XRN2: variants seen among roughly 807,000 people sequenced by gnomAD.
XRN2 encodes DHM1-like protein.
A neutral mutation model predicts 138.5 loss-of-function variants in XRN2; 44 were observed. The observed-to-expected ratio is 0.32, with a 90% confidence interval of 0.25 to 0.41. XRN2 has a LOEUF of 0.41. Among genes scored for constraint, XRN2 ranks in the 10% least tolerant of loss-of-function variants. The probability of loss-of-function intolerance (pLI) is 1.00; values close to 1 mark genes in which losing one functional copy is unlikely to be tolerated. For synonymous variants in XRN2, 354 were observed against 369.4 expected (o/e 0.96, Z 0.48); for missense variants, 937 against 1,169.3 (o/e 0.80, Z 2.90).
chr20:21,353,223 G>GATGGATATAT, intron 20 of XRN2, among the ~76,000 whole-genome samples: 1 of 113,848 alleles, frequency 8.8e-6, no homozygotes, highest in African/African-American at 3.6e-5. Context: ...TAGTGGGTAG[G>GATGGATATAT]ATATATATAT....
chr20:21,345,385 T>G (rs935647475), intron 16 of XRN2, among the ~76,000 whole-genome samples: 2 of 152,204 alleles, frequency 1.3e-5, no homozygotes, highest in Non-Finnish European at 2.9e-5. Context: ...ATAATCCACC[T>G]TATGAATGGG....
Position 21,333,993 on chromosome 20 carries a change from G to C in XRN2, c.1124G>C (p.Gly375Ala). The change falls in exon 12 of 30, where the codon GGG becomes GCG. Residue 375 changes from glycine (G) to alanine (A), a missense_variant and splice_region_variant. Around this residue, in one of 6 missense-constraint regions of XRN2, gnomAD observed 471 missense variants for 581.2 expected, o/e 0.81. Coordinates refer to ENST00000377191, the MANE Select transcript of XRN2 (RefSeq NM_012255.5). ...NIYKNVVHKT[G>A]GYLTESGYVN... ...TACAAAAATGTGGTACACAAAACTG[G>C]GGTAAGTTCATTCTTGAATGATTTC... 1 of 1,613,988 alleles carries C rather than the reference G, an allele frequency of 6.2e-7. No homozygotes were observed. Among genetic ancestry groups the C allele is most frequent in the African/African-American group, 1.3e-5 (1 of 75,018 alleles).
In XRN2 at chr20:21,311,502, A is replaced by G. The variant is rs1219828899; in HGVS notation, c.75+8029A>G. 2.0e-5 allele frequency among the ~76,000 whole-genome samples: 3 copies of G among 152,170 alleles called. No individual in the cohort carries two copies. The East Asian group carries it at 5.8e-4, about 29-fold the overall frequency. On this transcript the variant is annotated intron_variant, in intron 1 of 29. Transcript: ENST00000377191. ...CTTTGGCTGGTTCTACCTTTAGTCTATTATGAATAACACTGCTATGCACAT... is the reference window on the plus strand; with the variant it reads ...CTTTGGCTGGTTCTACCTTTAGTCTGTTATGAATAACACTGCTATGCACAT...
intron 1 of XRN2, among the ~76,000 whole-genome samples, chr20:21,315,404 G>GA (rs1255801735): frequency 5.9e-5 from 9 of 152,204 alleles, no homozygotes; most frequent in African/African-American, 2.2e-4. Flanking sequence ...TGCATTTTCT[G>GA]ATGACTAGTC....
chr20:21,383,934 G>A (rs1600722633), intron 28 of XRN2, among the ~76,000 whole-genome samples: 1 of 152,180 alleles, frequency 6.6e-6, no homozygotes, highest in Non-Finnish European at 1.5e-5. Flanking sequence ...TTACATCACA[G>A]ACATTTAAGA....
intron 27 of XRN2, among the ~76,000 whole-genome samples, chr20:21,378,294 G>A (rs1203032190): frequency 6.6e-6 from 1 of 152,178 alleles, no homozygotes; most frequent in Non-Finnish European, 1.5e-5. Flanking sequence ...TGTTGAAACT[G>A]TAAGTTTCTG....
At chr20:21,308,512 C>G (rs578010969) in intron 1 of XRN2, among the ~76,000 whole-genome samples, 35 of 152,126 alleles carry the variant, frequency 2.3e-4, no homozygotes, top group Non-Finnish European at 4.4e-4. Context: ...ACTTCCTCAC[C>G]AACACTTGAT....
chr20:21,351,800 T>C (rs1464378669), intron 20 of XRN2, among the ~76,000 whole-genome samples: 1 of 152,220 alleles, frequency 6.6e-6, no homozygotes, highest in Non-Finnish European at 1.5e-5. Context: ...TTCTTTTGCA[T>C]GTGCATATCA....
intron 24 of XRN2, among the ~76,000 whole-genome samples, chr20:21,364,828 T>G (rs1330332810): frequency 6.6e-6 from 1 of 151,914 alleles, no homozygotes; most frequent in African/African-American, 2.4e-5. Context: ...AAAGCATATT[T>G]GTGTAGTTTT....
intron 24 of XRN2, among the ~76,000 whole-genome samples, chr20:21,359,641 GGA>G (rs1433144347): frequency 2.6e-5 from 4 of 152,130 alleles, no homozygotes; most frequent in Admixed American, 6.6e-5. Flanking sequence ...AAGATTTGTG[GGA>G]GACCAAAGTT....
At position 21,330,713 on chromosome 20, in the gene XRN2, T is replaced by A. The variant is rs1241101589; in HGVS notation, c.576+8T>A. 1 of 1,609,488 alleles carries A rather than the reference T, an allele frequency of 6.2e-7. No homozygotes were observed. The highest frequency in any genetic ancestry group is 8.5e-7 in the Non-Finnish European group (1 of 1,177,710). On this transcript the variant is annotated splice_region_variant and intron_variant, in intron 6 of 29. Coordinates refer to ENST00000377191, the MANE Select transcript of XRN2 (RefSeq NM_012255.5). Reference sequence around the variant, plus strand: ...GGGTGGAAAAATTTGACAGTAAGTTTCACATTTTGATACTTCAGAAAGATT... The same window carrying A: ...GGGTGGAAAAATTTGACAGTAAGTTACACATTTTGATACTTCAGAAAGATT...
chr20:21,351,796 T>C (rs543024074), intron 20 of XRN2, among the ~76,000 whole-genome samples: 1 of 152,232 alleles, frequency 6.6e-6, no homozygotes, highest in Non-Finnish European at 1.5e-5. Context: ...TTCATTCTTT[T>C]GCATGTGCAT....
intron 24 of XRN2, among the ~76,000 whole-genome samples, chr20:21,363,375 C>T (rs1248282176): frequency 1.3e-5 from 2 of 152,122 alleles, no homozygotes; most frequent in Admixed American, 6.5e-5. Context: ...TGCTTCAAAA[C>T]ACTTTATTTG....
chr20:21,305,899 G>A lies in XRN2; in HGVS notation c.75+2426G>A, dbSNP rs1389071735. Among the ~76,000 whole-genome samples, 2 of 67,260 alleles carry A rather than the reference G, an allele frequency of 3.0e-5. 1 individual carries two copies. Among genetic ancestry groups the A allele is most frequent in the Non-Finnish European group, 6.8e-5 (2 of 29,356 alleles). The allele number at this position is 67,260 out of a possible 152,430, so 44.1% of individuals were successfully genotyped here. A position where few individuals can be genotyped will look rare whatever the true frequency, so the allele number is the denominator to read the frequency against. The stretch of plus-strand genomic sequence containing the variant: ...TAAGTAGCTGGGACTACAGGCGCCC[G>A]CCACCACGCCTGGCTAATTTTTTTG... On this transcript the variant is annotated intron_variant, in intron 1 of 29. Transcript: ENST00000377191.
chr20:21,388,535 A>G (rs189711206), intron 29 of XRN2, among the ~76,000 whole-genome samples: 9 of 152,292 alleles, frequency 5.9e-5, no homozygotes, highest in Admixed American at 3.3e-4. Context: ...TATATGACCA[A>G]ACAAGGCCTT....
chr20:21,362,084 T>G (rs1221543001), intron 24 of XRN2, among the ~76,000 whole-genome samples: 1 of 152,202 alleles, frequency 6.6e-6, no homozygotes, highest in Non-Finnish European at 1.5e-5. Context: ...TTGTATTGTA[T>G]TAAGTGTGTA....
chr20:21,387,760 G>C (rs1033857366), intron 29 of XRN2, among the ~76,000 whole-genome samples: 3 of 152,172 alleles, frequency 2.0e-5, no homozygotes, highest in African/African-American at 4.8e-5. Context: ...TTTGGCACCT[G>C]CAGTGATGTG....
chr20:21,316,393 G>GTA (rs765118492), intron 1 of XRN2, among the ~76,000 whole-genome samples: 1 of 152,288 alleles, frequency 6.6e-6, no homozygotes, highest in Admixed American at 6.5e-5. Flanking sequence ...ATTTACACCT[G>GTA]TTTTTCGGAA....
intron 1 of XRN2, 117 bp downstream of exon 1, chr20:21,303,590 T>A (rs2037769477): frequency 7.2e-7 from 1 of 1,387,940 alleles, no homozygotes; most frequent in African/African-American, 1.5e-5. Context: ...CGCGCCCTGC[T>A]GCCAGCCTCG....
Sources: gnomAD v4.1 joint callset for allele counts (sites outside exome capture counted in the v4.1 genomes callset) on GRCh38, gnomAD v4.1.1 for gene constraint, gnomAD v4.1.1 regional missense constraint, MANE v1.5 for transcripts, NCBI Gene and HGNC (gene_info 2026-07-23, HGNC 2026-07-21) for gene names.